GPHN: variants seen among roughly 807,000 people sequenced by gnomAD.
GPHN encodes the protein gephyrin.
In GPHN, 17 loss-of-function variants were observed where a neutral mutation model predicts 95.5. The ratio of observed to expected loss-of-function variants is 0.18; its 90% CI spans 0.12 to 0.27. GPHN has a LOEUF of 0.27. Among genes scored for constraint, GPHN ranks in the 10% least tolerant of loss-of-function variants. GPHN has a pLI of 1.00. For missense variants in GPHN, 660 were observed against 978.1 expected, an observed-to-expected ratio of 0.67 and a Z score of 4.34; for synonymous variants, 320 against 322.5, an observed-to-expected ratio of 0.99 and a Z score of 0.08.
chr14:67,009,574 C>T (rs2072841175), intron 9 of GPHN, among the ~76,000 whole-genome samples: 2 of 151,780 alleles, frequency 1.3e-5, no homozygotes, highest in South Asian at 4.2e-4. Context: ...AAACTGATCC[C>T]AAATGTCTTA....
At chr14:66,531,908 A>G (rs899158399) in intron 1 of GPHN, among the ~76,000 whole-genome samples, 2 of 152,224 alleles carry the variant, frequency 1.3e-5, no homozygotes, top group Non-Finnish European at 2.9e-5. Flanking sequence ...TGAGCTGTAT[A>G]TGATTTCTCT....
At chr14:67,647,805 TAGTC>T in the GPHN span, 3 of 493,132 alleles carry the variant, frequency 6.1e-6, no homozygotes, top group Middle Eastern at 5.5e-4. Context: ...ACATTGGAGT[TAGTC>T]TGTCTGAGGT....
the GPHN span, among the ~76,000 whole-genome samples, chr14:67,211,392 C>T: frequency 6.6e-6 from 1 of 152,096 alleles, no homozygotes; most frequent in Non-Finnish European, 1.5e-5. Context: ...CTGAAGTAAT[C>T]TTTCCACTAT....
chr14:67,480,056 A>C, the GPHN span, among the ~76,000 whole-genome samples: 1 of 152,198 alleles, frequency 6.6e-6, no homozygotes, highest in African/African-American at 2.4e-5. Context: ...AACGGAAGTA[A>C]TGACCACAGA....
chr14:66,540,444 T>C (rs2059315095), intron 1 of GPHN, among the ~76,000 whole-genome samples: 1 of 152,172 alleles, frequency 6.6e-6, no homozygotes, highest in South Asian at 2.1e-4. Context: ...AATTACAAAT[T>C]GTGATAGAAT....
the GPHN span, chr14:67,674,262 T>G: frequency 9.9e-7 from 1 of 1,009,168 alleles, no homozygotes; most frequent in East Asian, 2.9e-5. Context: ...GGGGCGTGTC[T>G]GAGGACGCGG....
intron 1 of GPHN, among the ~76,000 whole-genome samples, chr14:66,535,664 A>C (rs1436303467): frequency 6.6e-6 from 1 of 152,090 alleles, no homozygotes; most frequent in Non-Finnish European, 1.5e-5. Context: ...TACAATGTAG[A>C]GGTTTCGCAT....
At chr14:66,801,534 G>A (rs935688997) in intron 3 of GPHN, among the ~76,000 whole-genome samples, 1 of 151,752 alleles carries the variant, frequency 6.6e-6, no homozygotes, top group African/African-American at 2.4e-5. Flanking sequence ...CAAAAAAAAT[G>A]AGTCTTCTCT....
At chr14:67,208,760 G>A in the GPHN span, among the ~76,000 whole-genome samples, 3 of 152,010 alleles carry the variant, frequency 2.0e-5, no homozygotes, top group African/African-American at 4.8e-5. Context: ...AGCCAGGCGC[G>A]GTGGCGGGCA....
At chr14:67,217,396 T>C in the GPHN span, among the ~76,000 whole-genome samples, 1 of 152,238 alleles carries the variant, frequency 6.6e-6, no homozygotes, top group East Asian at 1.9e-4. Flanking sequence ...GGAATTTTAA[T>C]CTATTTACAT....
intron 2 of GPHN, chr14:66,760,573 C>A: frequency 2.7e-6 from 1 of 369,856 alleles, no homozygotes; most frequent in South Asian, 2.4e-5. Flanking sequence ...GGCCCATCTA[C>A]CCTGGCCACA....
chr14:67,259,925 G>A, the GPHN span, among the ~76,000 whole-genome samples: 3 of 149,442 alleles, frequency 2.0e-5, no homozygotes, highest in Admixed American at 6.7e-5. Context: ...AAATGTATTT[G>A]TCTTAAGTTT....
chr14:66,822,253 T>C (rs111763966), intron 3 of GPHN, among the ~76,000 whole-genome samples: 79 of 152,338 alleles, frequency 5.2e-4, no homozygotes, highest in African/African-American at 1.6e-3. Context: ...TCCAGCCAAC[T>C]GATTTTAAAC....
the GPHN span, among the ~76,000 whole-genome samples, chr14:67,225,958 T>TGC: frequency 8.5e-5 from 11 of 130,108 alleles, no homozygotes; most frequent in African/African-American, 3.8e-4. Flanking sequence ...TGTGTGTGTG[T>TGC]GTGTGCGCGC....
rs574295507 is a variant in GPHN at position 67,112,333 on chromosome 14, C to T, written c.1472+414C>T. Among the ~76,000 whole-genome samples the T allele has an allele frequency of 4.6e-5, 7 of 152,254 alleles. No individual in the cohort carries two copies. The East Asian group carries it at 1.2e-3, about 25-fold the overall frequency. Reference sequence around the variant, plus strand: ...CCAATAATAATGGAATAATCTGTTCCTTGTTATATACAAAGATGAGGCTAT... The same window carrying T: ...CCAATAATAATGGAATAATCTGTTCTTTGTTATATACAAAGATGAGGCTAT... On this transcript the variant is annotated intron_variant, in intron 15 of 22. Transcript: ENST00000478722.
chr14:66,577,071 A>G (rs781713470), intron 1 of GPHN, among the ~76,000 whole-genome samples: 1 of 152,152 alleles, frequency 6.6e-6, no homozygotes, highest in East Asian at 1.9e-4. Flanking sequence ...TTTTCATTTC[A>G]GTTTAATTGC....
At chr14:67,224,122 A>AT in the GPHN span, 4 of 556,206 alleles carry the variant, frequency 7.2e-6, no homozygotes, top group Non-Finnish European at 9.1e-6. Context: ...CGAAAGTTAA[A>AT]TTTTTTTTCT....
chr14:67,606,059 G>A, the GPHN span, among the ~76,000 whole-genome samples: 1 of 151,990 alleles, frequency 6.6e-6, no homozygotes, highest in African/African-American at 2.4e-5. Flanking sequence ...CCTAGCAATG[G>A]AAAGAAAAAA....
chr14:67,702,289 T>G, the GPHN span, among the ~76,000 whole-genome samples: 1 of 152,156 alleles, frequency 6.6e-6, no homozygotes, highest in African/African-American at 2.4e-5. Flanking sequence ...TTTTTAAGTT[T>G]TTTTCTATTA....
Sources: allele counts gnomAD v4.1 joint callset (sites outside exome capture counted in the v4.1 genomes callset), GRCh38; gene constraint gnomAD v4.1.1; transcripts MANE v1.5; gene names NCBI Gene and HGNC (gene_info 2026-07-23, HGNC 2026-07-21).